ARIH2: variants seen among roughly 807,000 people sequenced by gnomAD.
ARIH2 encodes the protein E3 ubiquitin-protein ligase ARIH2.
A neutral mutation model predicts 79.8 loss-of-function variants in ARIH2; 12 were observed. The observed-to-expected ratio is 0.15, with a 90% CI of 0.10 to 0.24. The LOEUF (loss-of-function observed/expected upper bound fraction) is 0.24, where lower values mean the gene tolerates loss of function less well. Ranked by LOEUF, ARIH2 falls within the 10% of genes least tolerant of loss-of-function variation. ARIH2 has a pLI of 1.00. For missense variants in ARIH2, 301 were observed against 618.3 expected, an observed-to-expected ratio of 0.49 and a Z score of 5.44; for synonymous variants, 224 against 213.9, an observed-to-expected ratio of 1.05 and a Z score of -0.41.
intron 3 of ARIH2, among the ~76,000 whole-genome samples, chr3:48,931,660 C>T (rs1559727207): frequency 6.6e-6 from 1 of 152,032 alleles, no homozygotes. Flanking sequence ...AAACTCCTGG[C>T]CTCAAGTGAT....
intron 8 of ARIH2, chr3:48,973,494 A>G (rs2092351270): frequency 4.9e-6 from 2 of 405,370 alleles, no homozygotes; most frequent in South Asian, 5.5e-5. Flanking sequence ...GGAGAATGGC[A>G]TGAACCCGGG....
intron 3 of ARIH2, among the ~76,000 whole-genome samples, chr3:48,931,088 T>TA (rs889142538): frequency 1.3e-5 from 2 of 151,834 alleles, no homozygotes; most frequent in East Asian, 1.9e-4. Flanking sequence ...AATTATTATT[T>TA]AAAAAAAAAT....
chr3:48,951,976 C>T (rs2090015203), intron 3 of ARIH2, among the ~76,000 whole-genome samples: 1 of 151,828 alleles, frequency 6.6e-6, no homozygotes. Context: ...TCTAGCTTCC[C>T]TTTTTTAGCT....
chr3:48,985,437 A>G lies in ARIH2; in HGVS notation c.*2167A>G, dbSNP rs2092881084. 2 of 152,208 alleles carry G rather than the reference A, an allele frequency of 1.3e-5. No individual in the cohort carries two copies. Among genetic ancestry groups the G allele is most frequent in the Admixed American group, 6.5e-5 (1 of 15,278 alleles). 9.4% of individuals were successfully genotyped at this position (152,208 alleles called of 1,614,324 possible). ...GACACAGTATTTTCATGAATTTACC[A>G]TATATCTTTGTTTTTCTTCAACGAA... On this transcript the variant is annotated 3_prime_UTR_variant, in exon 16 of 16. Coordinates refer to ENST00000356401, the MANE Select transcript of ARIH2 (RefSeq NM_006321.4).
intron 5 of ARIH2, among the ~76,000 whole-genome samples, chr3:48,966,609 G>A (rs951679819): frequency 2.0e-5 from 3 of 152,188 alleles, no homozygotes; most frequent in African/African-American, 7.2e-5. Context: ...GTTTGGGTAC[G>A]TCGATATAGT....
chr3:48,951,696 T>C (rs2089980332), intron 3 of ARIH2, among the ~76,000 whole-genome samples: 1 of 152,142 alleles, frequency 6.6e-6, no homozygotes, highest in African/African-American at 2.4e-5. Context: ...AAGATGTCAA[T>C]TTTATTAGAA....
chr3:48,985,084 A>T lies in ARIH2; in HGVS notation c.*1814A>T, dbSNP rs2092869708. On this transcript the variant is annotated 3_prime_UTR_variant, in exon 16 of 16. Transcript: ENST00000356401. ...TGAATGCTGTATTGGCACAGGGAAT[A>T]AATATCCTGGCGTCTGGAGCCTTCA... The T allele has an allele frequency of 1.3e-5, 2 of 152,238 alleles. No individual in the cohort carries two copies. The highest frequency in any genetic ancestry group is 6.5e-5 in the Admixed American group (1 of 15,280). The allele number at this position is 152,238 out of a possible 1,614,324, so 9.4% of individuals were successfully genotyped here.
At chr3:48,983,031 T>TG in intron 15 of ARIH2, 52 bp downstream of exon 15, 3 of 1,563,712 alleles carry the variant, frequency 1.9e-6, no homozygotes, top group Middle Eastern at 1.7e-4. Flanking sequence ...AGGACTGGCA[T>TG]GGTAATAGGT....
intron 8 of ARIH2, among the ~76,000 whole-genome samples, chr3:48,971,329 C>T (rs1010413234): frequency 3.9e-5 from 6 of 152,236 alleles, no homozygotes; most frequent in African/African-American, 1.4e-4. Flanking sequence ...ACCACAACCT[C>T]CGCCTTCCAG....
At chr3:48,958,870 C>T (rs753946439) in intron 3 of ARIH2, among the ~76,000 whole-genome samples, 20 of 152,082 alleles carry the variant, frequency 1.3e-4, no homozygotes, top group Non-Finnish European at 1.9e-4. Flanking sequence ...AAAAAATTAG[C>T]TGGACATGGT....
rs893689808 is a variant in ARIH2, at chr3:48,974,622, A to G, written c.889-195A>G. ...TTCAGCTGGTGCTTGAAGCATTTCA[A>G]AGCTAAATGTGCTGACCTCATTTCC... On this transcript the variant is annotated intron_variant, in intron 9 of 15. Coordinates refer to ENST00000356401, the MANE Select transcript of ARIH2 (RefSeq NM_006321.4). The G allele has an allele frequency of 6.9e-5, 43 of 620,698 alleles. No homozygotes were observed. In the Middle Eastern group the frequency reaches 1.3e-3, roughly 19 times the overall value. The allele number at this position is 620,698 out of a possible 1,614,324, so 38.4% of individuals were successfully genotyped here. A position where few individuals can be genotyped will look rare whatever the true frequency, so the allele number is the denominator to read the frequency against.
intron 3 of ARIH2, among the ~76,000 whole-genome samples, chr3:48,948,581 G>A (rs2089538167): frequency 1.3e-5 from 2 of 152,138 alleles, no homozygotes; most frequent in Non-Finnish European, 2.9e-5. Flanking sequence ...GAGCCACCGC[G>A]CCCGGCCGAA....
At chr3:48,921,828 T>C (rs1441953622) in intron 1 of ARIH2, among the ~76,000 whole-genome samples, 1 of 151,696 alleles carries the variant, frequency 6.6e-6, no homozygotes, top group African/African-American at 2.4e-5. Context: ...CTTGGCTCAC[T>C]GCAGCCTCAA....
chr3:48,923,634 G>C (rs1194128612), intron 2 of ARIH2, among the ~76,000 whole-genome samples: 1 of 151,144 alleles, frequency 6.6e-6, no homozygotes, highest in Non-Finnish European at 1.5e-5. Context: ...CCATTCTCCT[G>C]CTTCAACCTC....
intron 3 of ARIH2, among the ~76,000 whole-genome samples, chr3:48,935,999 A>G (rs1189820321): frequency 1.3e-5 from 2 of 152,190 alleles, no homozygotes; most frequent in Non-Finnish European, 2.9e-5. Flanking sequence ...AAAAGTAAAA[A>G]CAACACAAAA....
chr3:48,967,711 A>T (rs1412349323), intron 6 of ARIH2, among the ~76,000 whole-genome samples: 2 of 152,204 alleles, frequency 1.3e-5, no homozygotes. Context: ...GCATTAATTG[A>T]TATCTGCAAA....
At chr3:48,973,924 C>G (rs2092376451) in intron 9 of ARIH2, 108 bp downstream of exon 9, 1 of 795,582 alleles carries the variant, frequency 1.3e-6, no homozygotes, top group Non-Finnish European at 2.1e-6. Flanking sequence ...CCCCAGGACC[C>G]TTCCTGAGGA....
chr3:48,939,095 G>A (rs955374682), intron 3 of ARIH2, among the ~76,000 whole-genome samples: 1 of 151,938 alleles, frequency 6.6e-6, no homozygotes, highest in Non-Finnish European at 1.5e-5. Flanking sequence ...AGCCTCCTGA[G>A]TAGCTGGGAC....
At chr3:48,940,453 A>G (rs1047015891) in intron 3 of ARIH2, among the ~76,000 whole-genome samples, 8 of 152,258 alleles carry the variant, frequency 5.3e-5, no homozygotes, top group African/African-American at 1.9e-4. Context: ...TAATCCCAGC[A>G]CTTAGGGAGG....
Sources: gnomAD v4.1 joint callset for allele counts (sites outside exome capture counted in the v4.1 genomes callset) on GRCh38, gnomAD v4.1.1 for gene constraint, MANE v1.5 for transcripts, NCBI Gene and HGNC (gene_info 2026-07-23, HGNC 2026-07-21) for gene names.